The following SLC9A4 variants were observed in gnomAD, a reference collection of about 807,000 sequenced individuals.
SLC9A4 encodes the protein sodium/hydrogen exchanger 4.
Under a neutral mutation model 67.4 loss-of-function variants are expected in SLC9A4, and 63 were observed. That is an observed-to-expected ratio of 0.93 (90% CI 0.76 to 1.15). The LOEUF (loss-of-function observed/expected upper bound fraction) is 1.15, where lower values mean the gene tolerates loss of function less well. Ranked by LOEUF, SLC9A4 falls within the 50% of genes most tolerant of loss-of-function variation. The pLI is 0.00. For missense variants in SLC9A4, 1,089 were observed against 987.7 expected (o/e 1.10, Z -1.38); for synonymous variants, 393 against 367.2 (o/e 1.07, Z -0.80).
chr2:102,514,122 A>T lies in SLC9A4; in HGVS notation c.1592A>T (p.Lys531Ile), dbSNP rs1440997748. 4 of 1,613,014 alleles carry T rather than the reference A, an allele frequency of 2.5e-6. No homozygotes were observed. The highest frequency in any genetic ancestry group is 3.4e-6 in the Non-Finnish European group (4 of 1,179,774). The stretch of plus-strand genomic sequence containing the variant: ...AAGTTTGATCATAGATACTTACGGA[A>T]AATCCTCATCAGAAAGAACCTACCC... ...FKKFDHRYLR[K>I]ILIRKNLPKS... The change falls in exon 8 of 12, where the codon AAA becomes ATA. Residue 531 changes from lysine (K) to isoleucine (I), a missense_variant. Physicochemically the swap from Lys to Ile is moderately radical, Grantham distance 102 (BLOSUM62 -3). Transcript: ENST00000295269.
At position 102,512,226 on chromosome 2, in the gene SLC9A4, A is replaced by G; in HGVS notation, c.1512A>G (p.Gly504=). ...HIRLMDHLKA[G]IEDVCGHWSH... ...AGCTGATGGATCACTTAAAGGCTGG[A>G]ATCGAAGATGTGTGTGGGCACTGGA... The change falls in exon 7 of 12, where the codon GGA becomes GGG. Residue 504 remains glycine (G), a synonymous_variant. Coordinates refer to ENST00000295269, the MANE Select transcript of SLC9A4 (RefSeq NM_001011552.4). The G allele has an allele frequency of 1.2e-6, 2 of 1,614,124 alleles. No individual in the cohort carries two copies. Among genetic ancestry groups the G allele is most frequent in the Non-Finnish European group, 1.7e-6 (2 of 1,179,986 alleles).
rs1166233802 is a variant in SLC9A4, at chr2:102,490,095, CG to C, written c.720+10794del. ...TTATGTTGTGACTCTTAACTTCCAA[CG>C]TTTTTTTTTTTTAACTTGACAGTAA... On this transcript the variant is annotated intron_variant, in intron 2 of 11. Transcript: ENST00000295269. Among the ~76,000 whole-genome samples, 14 of 150,764 alleles carry C rather than the reference CG, an allele frequency of 9.3e-5. No individual in the cohort carries two copies. In the South Asian group the frequency reaches 1.7e-3, roughly 18 times the overall value.
intron 11 of SLC9A4, among the ~76,000 whole-genome samples, chr2:102,530,839 A>C (rs913071247): frequency 2.6e-5 from 4 of 152,200 alleles, no homozygotes; most frequent in African/African-American, 9.7e-5. Context: ...CCTTTGGCCA[A>C]TTTCCAAGTT....
intron 3 of SLC9A4, among the ~76,000 whole-genome samples, chr2:102,504,859 T>C (rs1685015689): frequency 1.3e-5 from 2 of 152,164 alleles, no homozygotes; most frequent in South Asian, 2.1e-4. Context: ...TATGGTTGGA[T>C]TGGAGGAAAT....
At chr2:102,497,584 G>GAA (rs1558664193) in intron 2 of SLC9A4, among the ~76,000 whole-genome samples, 4 of 151,692 alleles carry the variant, frequency 2.6e-5, no homozygotes, top group Admixed American at 1.3e-4. Context: ...CCCGAAAAAA[G>GAA]GAGTTCATAA....
chr2:102,474,176 A>T (rs978906945), intron 1 of SLC9A4, among the ~76,000 whole-genome samples, 161 bp downstream of exon 1: 8 of 152,214 alleles, frequency 5.3e-5, no homozygotes, highest in African/African-American at 1.9e-4. Flanking sequence ...ACTGCATTTT[A>T]CTAAGCTATT....
intron 7 of SLC9A4, among the ~76,000 whole-genome samples, chr2:102,512,576 C>T (rs1332990370): frequency 1.3e-5 from 2 of 152,190 alleles, no homozygotes; most frequent in Non-Finnish European, 2.9e-5. Flanking sequence ...ATGATAAGAT[C>T]AGCTCTACCA....
intron 2 of SLC9A4, among the ~76,000 whole-genome samples, chr2:102,494,522 C>T (rs1684766934): frequency 6.6e-6 from 1 of 152,046 alleles, no homozygotes; most frequent in Non-Finnish European, 1.5e-5. Flanking sequence ...GGACTAAACG[C>T]TCCAATTAAA....
chr2:102,511,776 G>T (rs907303501), intron 6 of SLC9A4, among the ~76,000 whole-genome samples: 1 of 151,686 alleles, frequency 6.6e-6, no homozygotes, highest in African/African-American at 2.4e-5. Context: ...TTATATGATT[G>T]GATAACAGTG....
At chr2:102,505,685 C>A in intron 4 of SLC9A4, 1 of 496,778 alleles carries the variant, frequency 2.0e-6, no homozygotes. Flanking sequence ...TGCATTGAAG[C>A]AAGGCTGGGG....
At position 102,508,194 on chromosome 2, in the gene SLC9A4, A is replaced by T. The variant is rs768313101; in HGVS notation, c.1314A>T (p.Ala438=). 3.7e-6 allele frequency: 6 copies of T among 1,614,104 alleles called. No individual in the cohort carries two copies. The highest frequency in any genetic ancestry group is 5.1e-6 in the Non-Finnish European group (6 of 1,180,000). The part of the protein sequence containing the change: ...GVRGAGSFSL[A]FLLPLSLFPR... Reference sequence around the variant, plus strand: ...GAGGAGCTGGAAGTTTTTCACTTGCATTTTTGCTTCCTCTGTCTCTTTTTC... The same window carrying T: ...GAGGAGCTGGAAGTTTTTCACTTGCTTTTTTGCTTCCTCTGTCTCTTTTTC... Residue 438 remains alanine (A), a synonymous_variant, in exon 5 of 12, where the codon GCA becomes GCT. Transcript: ENST00000295269.
rs571419334 is a variant in SLC9A4 at position 102,484,407 on chromosome 2, A to G, written c.720+5105A>G. On this transcript the variant is annotated intron_variant, in intron 2 of 11. Transcript: ENST00000295269. ...CTGCAAAACACTATGGCTTGAGGCA[A>G]CATTCTGATCCTGTTGTGCCTCCTC... Among the ~76,000 whole-genome samples, 12 of 152,298 alleles carry G rather than the reference A, an allele frequency of 7.9e-5. No homozygotes were observed. The South Asian group carries it at 2.5e-3, about 32-fold the overall frequency.
chr2:102,519,979 T>C (rs1313848919), intron 9 of SLC9A4, 24 bp downstream of exon 9: 20 of 1,604,078 alleles, frequency 1.2e-5, no homozygotes, highest in Non-Finnish European at 1.1e-5. Context: ...ACCTGTGTTG[T>C]CCCCATTTTC....
intron 2 of SLC9A4, among the ~76,000 whole-genome samples, chr2:102,490,818 G>A (rs1684681866): frequency 6.6e-6 from 1 of 152,118 alleles, no homozygotes; most frequent in South Asian, 2.1e-4. Flanking sequence ...AACCTAAATA[G>A]CCAAAAACAA....
chr2:102,533,198 T>C lies in SLC9A4; in HGVS notation c.*510T>C, dbSNP rs1674814399. ...CAAACTGAAACTAATTTGATTTTGATTTCATATTCAATATGCAATAATTAT... is the reference window on the plus strand; with the variant it reads ...CAAACTGAAACTAATTTGATTTTGACTTCATATTCAATATGCAATAATTAT... On this transcript the variant is annotated 3_prime_UTR_variant, in exon 12 of 12. Coordinates refer to ENST00000295269, the MANE Select transcript of SLC9A4 (RefSeq NM_001011552.4). 1 of 154,758 alleles carries C rather than the reference T, an allele frequency of 6.5e-6. No individual in the cohort carries two copies. Among genetic ancestry groups the C allele is most frequent in the Admixed American group, 6.3e-5 (1 of 15,894 alleles). 9.6% of individuals were successfully genotyped at this position (154,758 alleles called of 1,614,324 possible). A position where few individuals can be genotyped will look rare whatever the true frequency, so the allele number is the denominator to read the frequency against.
At chr2:102,516,884 A>G (rs953559894) in intron 8 of SLC9A4, among the ~76,000 whole-genome samples, 4 of 152,210 alleles carry the variant, frequency 2.6e-5, no homozygotes, top group Admixed American at 2.0e-4. Flanking sequence ...AAATATTTAT[A>G]TATTTATAGG....
intron 2 of SLC9A4, among the ~76,000 whole-genome samples, chr2:102,495,351 G>C (rs771122348): frequency 6.6e-6 from 1 of 151,954 alleles, no homozygotes; most frequent in Non-Finnish European, 1.5e-5. Context: ...GAATATTATA[G>C]AACATTGCTG....
At chr2:102,522,538 G>T (rs78768959) in intron 9 of SLC9A4, among the ~76,000 whole-genome samples, 1,939 of 152,202 alleles carry the variant, frequency 0.013, 49 homozygotes, top group African/African-American at 0.045. Flanking sequence ...ATGTCCAAGT[G>T]TTCCTTATAA....
chr2:102,479,377 G>A (rs1684410851), intron 2 of SLC9A4, 75 bp downstream of exon 2: 2 of 1,454,010 alleles, frequency 1.4e-6, no homozygotes, highest in Non-Finnish European at 9.2e-7. Context: ...GGAGGCTGTG[G>A]AGACGGCTCC....
Sources: allele counts gnomAD v4.1 joint callset (sites outside exome capture counted in the v4.1 genomes callset), GRCh38; gene constraint gnomAD v4.1.1; transcripts MANE v1.5; gene names NCBI Gene and HGNC (gene_info 2026-07-23, HGNC 2026-07-21).